Variants in DBT observed in about 807,000 individuals in gnomAD.
The protein encoded by DBT is dihydrolipoamide branched chain transacylase E2, also known as lipoamide acyltransferase component of branched-chain alpha-keto acid dehydrogenase complex, mitochondrial.
Under a neutral mutation model 51.3 loss-of-function variants are expected in DBT, and 40 were observed. That is an observed-to-expected ratio of 0.78 (90% CI 0.61 to 1.02). DBT has a LOEUF of 1.02. Among genes scored for constraint, DBT ranks in the 50% least tolerant of loss-of-function variants. The pLI is 0.00. For synonymous variants in DBT, 181 were observed against 190.4 expected (o/e 0.95, Z 0.41); for missense variants, 510 against 580.2 (o/e 0.88, Z 1.24).
At chr1:100,210,325 T>TAAG (rs145600331) in intron 8 of DBT, among the ~76,000 whole-genome samples, 3,101 of 144,074 alleles carry the variant, frequency 0.022, 46 homozygotes, top group Non-Finnish European at 0.03. Flanking sequence ...ATAATAATAA[T>TAAG]AAGAAGAAGA....
chr1:100,241,156 T>C (rs1189106925), intron 1 of DBT, among the ~76,000 whole-genome samples: 1 of 152,196 alleles, frequency 6.6e-6, no homozygotes, highest in Non-Finnish European at 1.5e-5. Context: ...TACTAAAGAA[T>C]TCTAAAGTAA....
intron 10 of DBT, among the ~76,000 whole-genome samples, chr1:100,198,793 T>C (rs1661258818): frequency 6.6e-6 from 1 of 152,132 alleles, no homozygotes; most frequent in South Asian, 2.1e-4. Context: ...GGGAATGACT[T>C]AGATGCTAAT....
At chr1:100,213,559 C>T in intron 7 of DBT, 1 of 1,580,460 alleles carries the variant, frequency 6.3e-7, no homozygotes, top group Non-Finnish European at 8.7e-7. Context: ...TGCAGGACTG[C>T]TTCACCTTCC....
At chr1:100,224,366 A>G (rs1663046121) in intron 4 of DBT, among the ~76,000 whole-genome samples, 1 of 152,206 alleles carries the variant, frequency 6.6e-6, no homozygotes, top group South Asian at 2.1e-4. Context: ...TATTTCCACA[A>G]TTAAAATGAA....
chr1:100,241,882 T>G (rs1664240583), intron 1 of DBT, among the ~76,000 whole-genome samples: 1 of 151,980 alleles, frequency 6.6e-6, no homozygotes, highest in Non-Finnish European at 1.5e-5. Context: ...TTAGCTGGGC[T>G]TGGTGGCATG....
rs1381567630 is a variant in DBT, at chr1:100,190,869, A to C, written c.*5386T>G. On this transcript the variant is annotated 3_prime_UTR_variant, in exon 11 of 11. Transcript: ENST00000370132. The stretch of plus-strand genomic sequence containing the variant: ...TGGGTAGGTGCTTAAAATTAGAAGA[A>C]AAGACCCGAACAGGTACTGTAAAGA... 6.6e-6 allele frequency: 1 copy of C among 152,214 alleles called. No homozygotes were observed. Among genetic ancestry groups the C allele is most frequent in the Non-Finnish European group, 1.5e-5 (1 of 68,040 alleles). 9.4% of individuals were successfully genotyped at this position (152,214 alleles called of 1,614,324 possible).
Position 100,210,709 on chromosome 1 carries a change from C to A in DBT, c.1002G>T (p.Gln334His). ...ILNASVDENCQNITYKASHNI... is the reference protein window; with the variant it reads ...ILNASVDENCHNITYKASHNI... ...CATAGCCAACCTTATATGTTATATTCTGGCAGTTTTCATCCACAGAAGCGT... is the reference window on the plus strand; with the variant it reads ...CATAGCCAACCTTATATGTTATATTATGGCAGTTTTCATCCACAGAAGCGT... The change falls in exon 8 of 11, where the codon CAG (glutamine) becomes CAT (histidine). Residue 334 changes from glutamine to histidine, a missense_variant. Physicochemically the swap from Gln to His is conservative, Grantham distance 24. Coordinates refer to ENST00000370132, the MANE Select transcript of DBT (RefSeq NM_001918.5). 1.2e-6 allele frequency: 2 copies of A among 1,613,042 alleles called. No homozygotes were observed. The highest frequency in any genetic ancestry group is 8.5e-7 in the Non-Finnish European group (1 of 1,179,144).
chr1:100,248,604 T>G (rs1341755645), intron 1 of DBT, among the ~76,000 whole-genome samples: 2 of 151,942 alleles, frequency 1.3e-5, no homozygotes, highest in Non-Finnish European at 2.9e-5. Context: ...AAGCAATATT[T>G]AAAAGGCGGG....
At chr1:100,196,701 CA>C (rs1661129485) in intron 10 of DBT, 1 of 453,724 alleles carries the variant, frequency 2.2e-6, no homozygotes, top group Non-Finnish European at 3.9e-6. Flanking sequence ...TCTCAGATTT[CA>C]AATATTTAAT....
At chr1:100,200,897 T>A (rs563357360) in intron 10 of DBT, among the ~76,000 whole-genome samples, 7 of 151,898 alleles carry the variant, frequency 4.6e-5, no homozygotes, top group Non-Finnish European at 4.4e-5. Context: ...AAAAACTCCA[T>A]CCAAAGGTCA....
At chr1:100,215,888 T>C (rs1326667801) in intron 6 of DBT, 95 bp downstream of exon 6, 1 of 823,938 alleles carries the variant, frequency 1.2e-6, no homozygotes, top group Non-Finnish European at 2.1e-6. Flanking sequence ...TCAGTAAGAC[T>C]TGAAAACACC....
rs757196736 is a variant in DBT at position 100,240,871 on chromosome 1, T to C, written c.65A>G (p.Tyr22Cys). The C allele has an allele frequency of 1.2e-5, 19 of 1,613,362 alleles. No individual in the cohort carries two copies. The South Asian group carries it at 1.9e-4, about 16-fold the overall frequency. The change falls in exon 2 of 11, where the codon TAT (tyrosine) becomes TGT (cysteine). Residue 22 changes from tyrosine to cysteine, a missense_variant. Physicochemically the swap from Tyr to Cys is radical, Grantham distance 194. Transcript: ENST00000370132. ...ATGAACATTACCACATGTTTGAAAA[T>C]AGCGAACACAAATCTACAGATGAGA... The part of the protein sequence containing the change: ...RNAGKLICVR[Y>C]FQTCGNVHVL...
chr1:100,218,783 A>C (rs781699374), intron 4 of DBT, 36 bp from the exon 5 acceptor site: 1 of 1,609,464 alleles, frequency 6.2e-7, no homozygotes, highest in Non-Finnish European at 8.5e-7. Flanking sequence ...CAGTTGAAAA[A>C]AAATTTTTTT....
chr1:100,232,179 A>G (rs990475253), intron 3 of DBT, among the ~76,000 whole-genome samples: 6 of 152,242 alleles, frequency 3.9e-5, no homozygotes, highest in Non-Finnish European at 5.9e-5. Flanking sequence ...AAGGTAGGCT[A>G]GGCTAAACTA....
chr1:100,239,760 G>A (rs1458405493), intron 2 of DBT, among the ~76,000 whole-genome samples: 1 of 151,052 alleles, frequency 6.6e-6, no homozygotes, highest in African/African-American at 2.4e-5. Context: ...CTACTCAGGA[G>A]GTTGAGGCAG....
At chr1:100,248,016 C>T (rs982652058) in intron 1 of DBT, among the ~76,000 whole-genome samples, 2 of 151,276 alleles carry the variant, frequency 1.3e-5, no homozygotes, top group Admixed American at 1.3e-4. Flanking sequence ...GCAAAAGAAT[C>T]GCTTGAAACT....
At chr1:100,215,051 T>TC in intron 6 of DBT, 68 bp from the exon 7 acceptor site, 2 of 1,129,650 alleles carry the variant, frequency 1.8e-6, no homozygotes, top group Non-Finnish European at 2.6e-6. Context: ...TTTTTTTTTT[T>TC]AAAGAAACTA....
rs1660835244 is a variant in DBT, at chr1:100,191,970, T to A, written c.*4285A>T. On this transcript the variant is annotated 3_prime_UTR_variant, in exon 11 of 11. Coordinates refer to ENST00000370132, the MANE Select transcript of DBT (RefSeq NM_001918.5). Reference sequence around the variant, plus strand: ...CCTAATTTTTTTTTTTTTTGGTATTTTTTGTTTTTTGGTTTTTTTGGTAGA... The same window carrying A: ...CCTAATTTTTTTTTTTTTTGGTATTATTTGTTTTTTGGTTTTTTTGGTAGA... 6.6e-6 allele frequency: 1 copy of A among 151,874 alleles called. No homozygotes were observed. Among genetic ancestry groups the A allele is most frequent in the Non-Finnish European group, 1.5e-5 (1 of 68,020 alleles). The allele number at this position is 151,874 out of a possible 1,614,324, so 9.4% of individuals were successfully genotyped here.
At chr1:100,197,179 G>C (rs1661165828) in intron 10 of DBT, 1 of 152,330 alleles carries the variant, frequency 6.6e-6, no homozygotes, top group African/African-American at 2.4e-5. Flanking sequence ...TGCTATAAAA[G>C]TTTCTAAGCT....
Sources: gnomAD v4.1 joint callset for allele counts (sites outside exome capture counted in the v4.1 genomes callset) on GRCh38, gnomAD v4.1.1 for gene constraint, MANE v1.5 for transcripts, NCBI Gene and HGNC (gene_info 2026-07-23, HGNC 2026-07-21) for gene names.